Variants in ARHGEF4 observed in about 807,000 individuals in gnomAD.
ARHGEF4 encodes the protein Rho guanine nucleotide exchange factor 4, also known as APC-stimulated guanine nucleotide exchange factor 1.
ARHGEF4 carries 119 observed loss-of-function variants against 162.0 expected under a neutral mutation model. The ratio of observed to expected loss-of-function variants is 0.73; its 90% confidence interval spans 0.63 to 0.86. ARHGEF4 has a LOEUF of 0.86. Among genes scored for constraint, ARHGEF4 ranks in the 40% least tolerant of loss-of-function variants. The pLI is 0.00. For synonymous variants in ARHGEF4, 1,014 were observed against 979.9 expected, an observed-to-expected ratio of 1.03 and a Z score of -0.65; for missense variants, 2,488 against 2,456.0, an observed-to-expected ratio of 1.01 and a Z score of -0.28.
At chr2:131,039,968 G>A in intron 6 of ARHGEF4, 48 bp from the exon 7 acceptor site, 1 of 1,540,984 alleles carries the variant, frequency 6.5e-7, no homozygotes, top group Non-Finnish European at 8.7e-7. Context: ...GGCGCGGGGC[G>A]TTGCTCCGAG....
At chr2:130,841,314 T>C (rs1680593359) in intron 1 of ARHGEF4, among the ~76,000 whole-genome samples, 1 of 151,948 alleles carries the variant, frequency 6.6e-6, no homozygotes, top group Admixed American at 6.6e-5. Flanking sequence ...TTCGTCCGCC[T>C]TAGTCTCCCA....
At chr2:130,990,057 G>A (rs1366425439) in intron 4 of ARHGEF4, among the ~76,000 whole-genome samples, 1 of 152,228 alleles carries the variant, frequency 6.6e-6, no homozygotes, top group Non-Finnish European at 1.5e-5. Flanking sequence ...AACTGTGAGG[G>A]TGGAAAAGGT....
At chr2:130,902,374 A>C (rs570669492) in intron 1 of ARHGEF4, among the ~76,000 whole-genome samples, 30 of 152,234 alleles carry the variant, frequency 2.0e-4, no homozygotes, top group African/African-American at 6.7e-4. Flanking sequence ...TGGGCAGATC[A>C]CTTGAGGTCA....
intron 1 of ARHGEF4, among the ~76,000 whole-genome samples, chr2:130,854,578 A>G (rs1681627590): frequency 6.6e-6 from 1 of 152,184 alleles, no homozygotes. Context: ...GATCACTTCC[A>G]CACCCAACCC....
At chr2:130,987,072 C>A (rs1686559268) in intron 4 of ARHGEF4, among the ~76,000 whole-genome samples, 1 of 152,344 alleles carries the variant, frequency 6.6e-6, no homozygotes, top group Non-Finnish European at 1.5e-5. Flanking sequence ...CTGTGCTGGA[C>A]CCCCACAGTG....
chr2:130,918,805 T>C (rs563708847), intron 2 of ARHGEF4, among the ~76,000 whole-genome samples: 1 of 152,372 alleles, frequency 6.6e-6, no homozygotes, highest in South Asian at 2.1e-4. Context: ...CTCTACGCAG[T>C]TAAACACTAA....
intron 1 of ARHGEF4, among the ~76,000 whole-genome samples, chr2:130,853,413 A>G (rs1681549074): frequency 6.6e-6 from 1 of 152,164 alleles, no homozygotes; most frequent in Non-Finnish European, 1.5e-5. Flanking sequence ...GGTGAGGTCT[A>G]GACAAGGCAT....
intron 4 of ARHGEF4, among the ~76,000 whole-genome samples, chr2:130,984,890 C>A (rs1686378550): frequency 6.6e-6 from 1 of 151,878 alleles, no homozygotes; most frequent in Non-Finnish European, 1.5e-5. Context: ...TAGGAATTTC[C>A]CAAATTGAGA....
intron 2 of ARHGEF4, among the ~76,000 whole-genome samples, chr2:130,928,462 G>T (rs1166014110): frequency 6.6e-6 from 1 of 152,170 alleles, no homozygotes; most frequent in East Asian, 1.9e-4. Context: ...GGAGATTCTT[G>T]TTCAATTATT....
intron 3 of ARHGEF4, among the ~76,000 whole-genome samples, chr2:130,934,577 C>G (rs1285208992): frequency 1.3e-5 from 2 of 152,168 alleles, no homozygotes; most frequent in Non-Finnish European, 2.9e-5. Flanking sequence ...GAGTCTCACT[C>G]TGTTACCCAG....
At chr2:130,872,938 C>CTGGGGCATGCATGCAGAGGCT (rs558140498) in intron 1 of ARHGEF4, among the ~76,000 whole-genome samples, 80 of 152,334 alleles carry the variant, frequency 5.3e-4, no homozygotes, top group African/African-American at 1.9e-3. Flanking sequence ...ACATGCCTAC[C>CTGGGGCATGCATGCAGAGGCT]TGGGGCATGC....
chr2:131,020,536 G>T (rs1285975249), intron 4 of ARHGEF4, among the ~76,000 whole-genome samples: 3 of 152,024 alleles, frequency 2.0e-5, no homozygotes, highest in African/African-American at 7.3e-5. Context: ...CTTTTTTATG[G>T]ATGCATAGTA....
chr2:130,959,447 C>G (rs1684506831), intron 4 of ARHGEF4, among the ~76,000 whole-genome samples: 1 of 152,158 alleles, frequency 6.6e-6, no homozygotes, highest in Non-Finnish European at 1.5e-5. Flanking sequence ...CCAATTCCAC[C>G]ACTTCTGAGC....
chr2:131,046,277 C>G lies in ARHGEF4; in HGVS notation c.*88C>G, dbSNP rs1401156259. 7.2e-6 allele frequency: 10 copies of G among 1,382,764 alleles called. No individual in the cohort carries two copies. Among genetic ancestry groups the G allele is most frequent in the Middle Eastern group, 1.8e-4 (1 of 5,544 alleles). The allele number at this position is 1,382,764 out of a possible 1,614,324, so 85.7% of individuals were successfully genotyped here. On this transcript the variant is annotated 3_prime_UTR_variant, in exon 14 of 14. Coordinates refer to ENST00000409359, the MANE Select transcript of ARHGEF4 (RefSeq NM_001367493.1). Reference sequence around the variant, plus strand: ...CCGAGGCCCACTCGGCCTGGCCTTCCTCTGCCTGCAAGTGAGCAGGGATGG... The same window carrying G: ...CCGAGGCCCACTCGGCCTGGCCTTCGTCTGCCTGCAAGTGAGCAGGGATGG...
At chr2:131,045,819 C>G (rs1355258814) in intron 13 of ARHGEF4, 2 of 1,433,568 alleles carry the variant, frequency 1.4e-6, no homozygotes, top group Non-Finnish European at 9.1e-7. Context: ...CCACCCCCCT[C>G]TTCAGGCTGC....
In ARHGEF4 at chr2:130,914,815, C is replaced by T. The variant is rs116650837; in HGVS notation, c.869C>T (p.Ser290Leu). ...DTELLWSQPH[S>L]DVPCQPPLRT... is the part of the protein sequence containing the mutation. ...GAATTGCTCTGGTCCCAGCCCCACT[C>T]GGATGTCCCCTGCCAGCCTCCTTTG... The change falls in exon 2 of 14, where the codon TCG becomes TTG. Residue 290 changes from serine to leucine, a missense_variant. Ser to Leu is a moderately radical substitution (Grantham distance 145). Coordinates refer to ENST00000409359, the MANE Select transcript of ARHGEF4 (RefSeq NM_001367493.1). 9.8e-3 allele frequency: 14,178 copies of T among 1,452,188 alleles called. 80 individuals carry two copies. The highest frequency in any genetic ancestry group is 0.012 in the Non-Finnish European group (12,806 of 1,104,900). The allele number at this position is 1,452,188 out of a possible 1,614,324, so 90.0% of individuals were successfully genotyped here.
Position 131,040,334 on chromosome 2 carries a change from T to A in ARHGEF4, c.4556T>A (p.Ile1519Asn). ...CAGCTGCGTACCATCTTCGGGAACA[T>A]CGAGGACATCTACCGCTGCCAGAAG... Reference protein sequence around the residue: ...EEQLRTIFGNIEDIYRCQKAF... With the variant: ...EEQLRTIFGNNEDIYRCQKAF... The change falls in exon 8 of 14, where the codon ATC becomes AAC. Residue 1519 changes from isoleucine (I) to asparagine (N), a missense_variant. Physicochemically the swap from Ile to Asn is moderately radical, Grantham distance 149. This residue lies in a region of ARHGEF4 where 415 missense variants were observed against 512.4 expected (regional missense o/e 0.81). Transcript: ENST00000409359. The A allele has an allele frequency of 6.2e-7, 1 of 1,612,620 alleles. No individual in the cohort carries two copies. The highest frequency in any genetic ancestry group is 8.5e-7 in the Non-Finnish European group (1 of 1,179,740).
Position 131,041,891 on chromosome 2 carries a change from C to T in ARHGEF4, c.4972C>T (p.Leu1658Phe). The part of the protein sequence containing the change: ...AQLINERKRR[L>F]ENIDKIAQWQ... ...GCTCATCAACGAGCGGAAGCGGAGA[C>T]TTGAGAACATCGACAAGATTGCTCA... The change falls in exon 10 of 14, where the codon CTT becomes TTT. Residue 1658 changes from leucine (L) to phenylalanine (F), a missense_variant. This residue lies in a region of ARHGEF4 where 415 missense variants were observed against 512.4 expected (regional missense o/e 0.81). Coordinates refer to ENST00000409359, the MANE Select transcript of ARHGEF4 (RefSeq NM_001367493.1). The T allele has an allele frequency of 6.2e-7, 1 of 1,613,674 alleles. No homozygotes were observed. The highest frequency in any genetic ancestry group is 1.1e-5 in the South Asian group (1 of 91,086).
chr2:130,918,886 G>A (rs1681696858), intron 2 of ARHGEF4, among the ~76,000 whole-genome samples: 1 of 152,122 alleles, frequency 6.6e-6, no homozygotes, highest in East Asian at 1.9e-4. Flanking sequence ...TAAAAACAAA[G>A]CCAAACAATA....
Sources: allele counts gnomAD v4.1 joint callset (sites outside exome capture counted in the v4.1 genomes callset), GRCh38; gene constraint gnomAD v4.1.1; regional missense constraint gnomAD v4.1.1; transcripts MANE v1.5; gene names NCBI Gene and HGNC (gene_info 2026-07-23, HGNC 2026-07-21).